The following BMAL2 variants were observed in gnomAD, a reference collection of about 807,000 sequenced individuals.
BMAL2 encodes the protein basic helix-loop-helix ARNT-like protein 2.
At chr12:27,371,018 G>T in the BMAL2 span, among the ~76,000 whole-genome samples, 1 of 152,138 alleles carries the variant, frequency 6.6e-6, no homozygotes, top group Non-Finnish European at 1.5e-5. Context: ...GAGACACAAA[G>T]GTACGAGAAA....
chr12:27,389,863 G>A, the BMAL2 span: 1 of 361,574 alleles, frequency 2.8e-6, no homozygotes, highest in Admixed American at 4.5e-5. Context: ...CCCCATTTGA[G>A]GAAAAAAGAA....
the BMAL2 span, among the ~76,000 whole-genome samples, chr12:27,391,988 C>T: frequency 1.3e-5 from 2 of 152,134 alleles, no homozygotes; most frequent in Non-Finnish European, 2.9e-5. Flanking sequence ...GATTTTAGCT[C>T]TACGACTTGC....
chr12:27,425,029 A>T, the BMAL2 span: 4 of 152,284 alleles, frequency 2.6e-5, no homozygotes, highest in Non-Finnish European at 5.9e-5. Flanking sequence ...ATAAAAACTG[A>T]CCTGGAAAGA....
chr12:27,378,601 G>T, the BMAL2 span, among the ~76,000 whole-genome samples: 1 of 152,178 alleles, frequency 6.6e-6, no homozygotes, highest in East Asian at 1.9e-4. Context: ...TGGAGATGAA[G>T]ACATGAGGCA....
chr12:27,408,404 T>A, the BMAL2 span, among the ~76,000 whole-genome samples: 1 of 152,214 alleles, frequency 6.6e-6, no homozygotes, highest in Non-Finnish European at 1.5e-5. Flanking sequence ...CATGATCAAG[T>A]GGGCTTCATC....
At chr12:27,380,209 G>A in the BMAL2 span, 1 of 1,604,690 alleles carries the variant, frequency 6.2e-7, no homozygotes, top group Non-Finnish European at 8.5e-7. Context: ...GGGGTCTGCT[G>A]AATGTTAAAT....
At chr12:27,349,512 A>G in the BMAL2 span, among the ~76,000 whole-genome samples, 1 of 152,220 alleles carries the variant, frequency 6.6e-6, no homozygotes, top group Non-Finnish European at 1.5e-5. Context: ...GCTCCACAGC[A>G]GTTCTGCCCC....
At chr12:27,410,845 A>G in the BMAL2 span, among the ~76,000 whole-genome samples, 1 of 152,100 alleles carries the variant, frequency 6.6e-6, no homozygotes, top group Non-Finnish European at 1.5e-5. Context: ...CTTTCTAAAC[A>G]TCAAAAAATC....
chr12:27,411,493 C>T, the BMAL2 span, among the ~76,000 whole-genome samples: 15 of 151,934 alleles, frequency 9.9e-5, no homozygotes, highest in South Asian at 2.1e-4. Flanking sequence ...TGGGGCACAG[C>T]GGTAGTCCCA....
chr12:27,401,034 G>A, the BMAL2 span, among the ~76,000 whole-genome samples: 1 of 152,178 alleles, frequency 6.6e-6, no homozygotes, highest in African/African-American at 2.4e-5. Context: ...AAGCTAGTAG[G>A]AGCACAGCCT....
chr12:27,375,722 G>A, the BMAL2 span, among the ~76,000 whole-genome samples: 1 of 152,180 alleles, frequency 6.6e-6, no homozygotes, highest in East Asian at 1.9e-4. Flanking sequence ...TAAAAGCTAT[G>A]CAGCCTGCAT....
At chr12:27,341,504 G>GTTA in the BMAL2 span, among the ~76,000 whole-genome samples, 7 of 152,288 alleles carry the variant, frequency 4.6e-5, no homozygotes, top group African/African-American at 1.4e-4. Context: ...ACGTGCTGCT[G>GTTA]GATTTGGTTA....
the BMAL2 span, among the ~76,000 whole-genome samples, chr12:27,335,091 A>G: frequency 6.6e-6 from 1 of 152,266 alleles, no homozygotes; most frequent in Admixed American, 6.5e-5. Flanking sequence ...CTAGGAGGAA[A>G]AAATGTATAT....
the BMAL2 span, chr12:27,389,240 A>G: frequency 6.2e-7 from 1 of 1,613,212 alleles, no homozygotes; most frequent in African/African-American, 1.3e-5. Flanking sequence ...GCCAAAGTAA[A>G]GGAACAACTT....
the BMAL2 span, among the ~76,000 whole-genome samples, chr12:27,344,673 A>G: frequency 2.6e-5 from 4 of 152,218 alleles, no homozygotes; most frequent in Non-Finnish European, 5.9e-5. Flanking sequence ...CTTGAGGTCA[A>G]CTGATCATGG....
At chr12:27,340,789 A>G in the BMAL2 span, among the ~76,000 whole-genome samples, 169 of 152,160 alleles carry the variant, frequency 1.1e-3, no homozygotes, top group Middle Eastern at 0.024. Context: ...TTCTTTGAGC[A>G]GTGTTTTGTC....
the BMAL2 span, among the ~76,000 whole-genome samples, chr12:27,381,600 GC>G: frequency 6.6e-6 from 1 of 152,132 alleles, no homozygotes; most frequent in Non-Finnish European, 1.5e-5. Context: ...CTCCCACCAG[GC>G]CCCACCTCCA....
At chr12:27,386,904 A>C in the BMAL2 span, among the ~76,000 whole-genome samples, 1 of 152,062 alleles carries the variant, frequency 6.6e-6, no homozygotes, top group East Asian at 1.9e-4. Context: ...GTGCTGGGAT[A>C]TAGGCTCATT....
chr12:27,355,916 G>T, the BMAL2 span, among the ~76,000 whole-genome samples: 2 of 152,172 alleles, frequency 1.3e-5, no homozygotes, highest in Non-Finnish European at 2.9e-5. Context: ...CCCCTAAGAT[G>T]AATTAATCTT....
Sources: allele counts gnomAD v4.1 joint callset (sites outside exome capture counted in the v4.1 genomes callset), GRCh38; gene constraint gnomAD v4.1.1; transcripts MANE v1.5; gene names NCBI Gene and HGNC (gene_info 2026-07-23, HGNC 2026-07-21).